Variants in SNX3 observed in about 807,000 individuals in gnomAD.
SNX3 encodes sorting nexin 3.
In SNX3, 5 loss-of-function variants were observed where a neutral mutation model predicts 17.7. The observed-to-expected ratio is 0.28, with a 90% CI of 0.15 to 0.59. The LOEUF (loss-of-function observed/expected upper bound fraction) is 0.59. Ranked by LOEUF, SNX3 falls within the 20% of genes least tolerant of loss-of-function variation. The pLI, the probability that SNX3 is intolerant of heterozygous loss-of-function variation, is 0.88. For synonymous variants in SNX3, 91 were observed against 76.5 expected (o/e 1.19, Z -0.99); for missense variants, 132 against 206.8 (o/e 0.64, Z 2.22).
rs570563147 is a variant in SNX3, at chr6:108,237,621, C to T, written c.163-14576G>A. Among the ~76,000 whole-genome samples the T allele has an allele frequency of 1.6e-3, 249 of 152,184 alleles. 1 individual carries two copies. Among genetic ancestry groups the T allele is most frequent in the Non-Finnish European group, 1.9e-3 (129 of 68,004 alleles). On this transcript the variant is annotated intron_variant, in intron 1 of 3. Transcript: ENST00000230085. The stretch of plus-strand genomic sequence containing the variant: ...CCTGGCTAACATGGTGAAGCCCCAC[C>T]TCTACTAAAAATACAAAAATTAGCC...
chr6:108,252,394 G>C (rs1247881210), intron 1 of SNX3: 1 of 153,172 alleles, frequency 6.5e-6, no homozygotes, highest in Non-Finnish European at 1.5e-5. Context: ...TAAGAAATCC[G>C]GCAAAAGTCT....
At chr6:108,236,451 T>G (rs1169725942) in intron 1 of SNX3, among the ~76,000 whole-genome samples, 3 of 148,604 alleles carry the variant, frequency 2.0e-5, no homozygotes, top group South Asian at 2.1e-4. Flanking sequence ...TGGCGGGATC[T>G]CGGCTCACTG....
At chr6:108,244,281 G>A (rs1457239523) in intron 1 of SNX3, among the ~76,000 whole-genome samples, 3 of 151,896 alleles carry the variant, frequency 2.0e-5, no homozygotes, top group African/African-American at 7.3e-5. Context: ...TCAGTCTCCC[G>A]AGTAGCTGGG....
Position 108,253,393 on chromosome 6 carries a change from C to CTTTT in SNX3, c.162+7363_162+7366dup, listed in dbSNP as rs369223904. Among the ~76,000 whole-genome samples the CTTTT allele has an allele frequency of 2.3e-3, 283 of 123,444 alleles. 3 individuals carry two copies. Among genetic ancestry groups the CTTTT allele is most frequent in the African/African-American group, 8.2e-3 (273 of 33,460 alleles). 81.0% of individuals were successfully genotyped at this position (123,444 alleles called of 152,430 possible). Reference sequence around the variant, plus strand: ...TCCTTTCTTAAATGAATACATATGTCTTTTTTTTTTTTTTTTTTTTACTTC... The same window carrying CTTTT: ...TCCTTTCTTAAATGAATACATATGTCTTTTTTTTTTTTTTTTTTTTTTTTACTTC... On this transcript the variant is annotated intron_variant, in intron 1 of 3. Transcript: ENST00000230085.
intron 1 of SNX3, among the ~76,000 whole-genome samples, chr6:108,227,345 T>G (rs1775005993): frequency 6.6e-6 from 1 of 152,190 alleles, no homozygotes; most frequent in Admixed American, 6.5e-5. Flanking sequence ...CCTAAGAATT[T>G]TCATACTTCT....
chr6:108,212,152 G>C lies in SNX3; in HGVS notation c.486C>G (p.Ala162=). The C allele has an allele frequency of 6.4e-7, 1 of 1,570,130 alleles. No individual in the cohort carries two copies. Among genetic ancestry groups the C allele is most frequent in the Non-Finnish European group, 8.7e-7 (1 of 1,152,964 alleles). The change falls in exon 4 of 4, where the codon GCC becomes GCG. Residue 162 remains alanine (A), a synonymous_variant. Transcript: ENST00000230085. ...KSYTPSKIRH[A] Reference sequence around the variant, plus strand: ...TTTTGCCCCTTCTTGCCAAATTTCAGGCATGTCTTATTTTAGATGGAGTAT... The same window carrying C: ...TTTTGCCCCTTCTTGCCAAATTTCACGCATGTCTTATTTTAGATGGAGTAT...
chr6:108,249,742 C>G (rs1347771703), intron 1 of SNX3, among the ~76,000 whole-genome samples: 1 of 152,136 alleles, frequency 6.6e-6, no homozygotes, highest in Non-Finnish European at 1.5e-5. Flanking sequence ...CTATGTAAAA[C>G]TGGGCCTCTA....
chr6:108,213,141 G>A (rs960613672), intron 3 of SNX3, among the ~76,000 whole-genome samples: 1 of 151,328 alleles, frequency 6.6e-6, no homozygotes, highest in East Asian at 2.0e-4. Flanking sequence ...TGCCCACCTC[G>A]GCCTCCCAAA....
intron 1 of SNX3, among the ~76,000 whole-genome samples, chr6:108,240,017 G>T (rs2114744015): frequency 6.6e-6 from 1 of 152,250 alleles, no homozygotes; most frequent in East Asian, 1.9e-4. Flanking sequence ...AAGTAAAAAG[G>T]TAAAGGGGGA....
chr6:108,249,177 T>C (rs940436694), intron 1 of SNX3, among the ~76,000 whole-genome samples: 3 of 152,130 alleles, frequency 2.0e-5, no homozygotes, highest in Non-Finnish European at 2.9e-5. Flanking sequence ...CTGGGCAATG[T>C]AGTGAGATTC....
At chr6:108,213,577 G>T in intron 3 of SNX3, among the ~76,000 whole-genome samples, 1 of 151,714 alleles carries the variant, frequency 6.6e-6, no homozygotes, top group East Asian at 1.9e-4. Context: ...ACTTGAACCT[G>T]GGAGGTGGAG....
intron 1 of SNX3, among the ~76,000 whole-genome samples, chr6:108,256,003 G>T (rs974676228): frequency 6.6e-6 from 1 of 152,190 alleles, no homozygotes; most frequent in Admixed American, 6.5e-5. Context: ...GCTGAGGTGG[G>T]AGTATCACTT....
intron 1 of SNX3, among the ~76,000 whole-genome samples, chr6:108,245,286 G>T (rs1408278437): frequency 6.6e-6 from 1 of 152,164 alleles, no homozygotes; most frequent in Admixed American, 6.5e-5. Context: ...CAAAGGACAT[G>T]AACTCGTTCT....
intron 1 of SNX3, among the ~76,000 whole-genome samples, chr6:108,247,143 C>G (rs1449531500): frequency 6.6e-6 from 1 of 152,144 alleles, no homozygotes; most frequent in African/African-American, 2.4e-5. Flanking sequence ...CTCACTTTCT[C>G]TTTCCTGGCA....
chr6:108,246,066 G>A (rs1775678883), intron 1 of SNX3, among the ~76,000 whole-genome samples: 1 of 152,052 alleles, frequency 6.6e-6, no homozygotes. Flanking sequence ...GGTTTTTATG[G>A]TTTTAGGTTT....
intron 1 of SNX3, among the ~76,000 whole-genome samples, chr6:108,252,934 G>A (rs1458657569): frequency 1.3e-5 from 2 of 151,986 alleles, no homozygotes; most frequent in Non-Finnish European, 1.5e-5. Context: ...CACCACACCC[G>A]GCCCTAAGAA....
At chr6:108,257,701 C>T (rs908688840) in intron 1 of SNX3, among the ~76,000 whole-genome samples, 6 of 152,212 alleles carry the variant, frequency 3.9e-5, no homozygotes, top group African/African-American at 1.2e-4. Flanking sequence ...CATGGTGGCT[C>T]ACGCCTGTAA....
intron 1 of SNX3, among the ~76,000 whole-genome samples, chr6:108,244,069 T>C (rs1396933953): frequency 1.3e-5 from 2 of 152,170 alleles, no homozygotes; most frequent in Non-Finnish European, 2.9e-5. Context: ...CTGAGAGTTC[T>C]TGGCAAAAAG....
intron 1 of SNX3, among the ~76,000 whole-genome samples, chr6:108,249,108 C>T (rs1441293685): frequency 6.6e-6 from 1 of 152,130 alleles, no homozygotes; most frequent in Non-Finnish European, 1.5e-5. Context: ...GTAGTACCAG[C>T]TACTCAGAAG....
Sources: allele counts gnomAD v4.1 joint callset (sites outside exome capture counted in the v4.1 genomes callset), GRCh38; gene constraint gnomAD v4.1.1; transcripts MANE v1.5; gene names NCBI Gene and HGNC (gene_info 2026-07-23, HGNC 2026-07-21).